Variants in GLIS2 observed in about 807,000 individuals in gnomAD.
GLIS2 encodes GLIS family zinc finger 2.
GLIS2 carries 14 observed loss-of-function variants against 35.6 expected under a neutral mutation model. The ratio of observed to expected loss-of-function variants is 0.39; its 90% CI spans 0.26 to 0.61. The LOEUF (loss-of-function observed/expected upper bound fraction) is 0.61. GLIS2 is among the 20% of genes least tolerant of loss of function. The pLI is 0.48. For synonymous variants in GLIS2, 368 were observed against 325.1 expected, an observed-to-expected ratio of 1.13 and a Z score of -1.42; for missense variants, 675 against 713.4, an observed-to-expected ratio of 0.95 and a Z score of 0.61.
rs779142808 is a variant in GLIS2, at chr16:4,337,072, G to C, written c.1123G>C (p.Ala375Pro). Residue 375 changes from alanine to proline, a missense_variant, in exon 7 of 7, where the codon GCC becomes CCC. Ala to Pro is a conservative substitution (Grantham distance 27). This residue lies in a region of GLIS2 where 317 missense variants were observed against 283.2 expected (regional missense o/e 1.12). Transcript: ENST00000433375. ...PGLPGLPLPL[A>P]PGPLDLSALA... ...CCTGCCCGGCTTACCCCTACCCCTG[G>C]CCCCCGGCCCCCTTGACCTCAGTGC... is the stretch of plus-strand genomic sequence containing the variant. The C allele has an allele frequency of 1.7e-5, 26 of 1,539,592 alleles. No homozygotes were observed. Among genetic ancestry groups the C allele is most frequent in the Non-Finnish European group, 1.1e-5 (13 of 1,147,750 alleles).
intron 1 of GLIS2, among the ~76,000 whole-genome samples, chr16:4,318,133 G>A (rs1010691913): frequency 6.6e-6 from 1 of 152,180 alleles, no homozygotes; most frequent in African/African-American, 2.4e-5. Flanking sequence ...CGCTGCTTTT[G>A]GGGTCAGTGG....
chr16:4,325,929 TAAAA>T (rs58290393), intron 1 of GLIS2, among the ~76,000 whole-genome samples: 916 of 40,066 alleles, frequency 0.023, 5 homozygotes, highest in Non-Finnish European at 0.034. Context: ...CTCTGTGTCT[TAAAA>T]AAAAAAAAAA....
intron 1 of GLIS2, chr16:4,324,713 C>T (rs2053412094): frequency 1.3e-5 from 2 of 152,310 alleles, no homozygotes; most frequent in African/African-American, 2.4e-5. Context: ...CCGTGCTGAA[C>T]GTTACGGACG....
In GLIS2 at chr16:4,320,968, G is replaced by C. The variant is rs1356763058; in HGVS notation, c.-67+4714G>C. Among the ~76,000 whole-genome samples the C allele has an allele frequency of 6.6e-6, 1 of 152,202 alleles. No individual in the cohort carries two copies. The highest frequency in any genetic ancestry group is 1.5e-5 in the Non-Finnish European group (1 of 68,034). On this transcript the variant is annotated intron_variant, in intron 1 of 6. Coordinates refer to ENST00000433375, the MANE Select transcript of GLIS2 (RefSeq NM_032575.3). This position sits in a 1 kb window ranked among gnomAD's most constrained non-coding sequence, Gnocchi z 5.6. Reference sequence around the variant, plus strand: ...ACCAGGCCTGGCAGATCCTGCCAGTGGGTGTTCCCCTTTGGAAGGAAAAGG... The same window carrying C: ...ACCAGGCCTGGCAGATCCTGCCAGTCGGTGTTCCCCTTTGGAAGGAAAAGG...
rs2053309806 is a variant in GLIS2 at position 4,316,251 on chromosome 16, T to C, written c.-70T>C. Among the ~76,000 whole-genome samples, 1 of 121,676 alleles carries C rather than the reference T, an allele frequency of 8.2e-6. No individual in the cohort carries two copies. 79.8% of individuals were successfully genotyped at this position (121,676 alleles called of 152,430 possible). A position where few individuals can be genotyped will look rare whatever the true frequency, so the allele number is the denominator to read the frequency against. ...CCCGGATCCCGACCGCCCCCGCCGC[T>C]GAGGTAGGAAGCCCCCCGGGCGTCG... On this transcript the variant is annotated 5_prime_UTR_variant, in exon 1 of 7. Transcript: ENST00000433375.
At chr16:4,325,779 T>C (rs2053423576) in intron 1 of GLIS2, among the ~76,000 whole-genome samples, 1 of 150,748 alleles carries the variant, frequency 6.6e-6, no homozygotes, top group Admixed American at 6.6e-5. Flanking sequence ...AAATAAAAAA[T>C]TTAAAAATGA....
chr16:4,336,792 T>C lies in GLIS2; in HGVS notation c.843T>C (p.Phe281=), dbSNP rs2053556242. 1.2e-6 allele frequency: 2 copies of C among 1,611,760 alleles called. No individual in the cohort carries two copies. The highest frequency in any genetic ancestry group is 1.7e-5 in the Admixed American group (1 of 59,834). ...GCTATTCCAACTCCAGTGACCGCTT[T>C]AAGCACACGCGCACCCACTATGTGG... The part of the protein sequence containing the change: ...NKRYSNSSDR[F]KHTRTHYVDK... Residue 281 remains phenylalanine, a synonymous_variant, in exon 7 of 7, where the codon TTT becomes TTC. Transcript: ENST00000433375.
At position 4,337,016 on chromosome 16, in the gene GLIS2, C is replaced by A; in HGVS notation, c.1067C>A (p.Pro356His). Reference protein sequence around the residue: ...PYVSGAQIIIPNPAALFGGPG... With the variant: ...PYVSGAQIIIHNPAALFGGPG... ...GTCAGTGGGGCCCAGATCATCATCC[C>A]CAACCCAGCTGCCCTCTTTGGAGGC... Residue 356 changes from proline (P) to histidine (H), a missense_variant, in exon 7 of 7, where the codon CCC (proline) becomes CAC (histidine). By Grantham distance (77) the Pro-to-His change is moderately conservative. Around this residue, in one of 3 missense-constraint regions of GLIS2, gnomAD observed 317 missense variants for 283.2 expected, o/e 1.12. Coordinates refer to ENST00000433375, the MANE Select transcript of GLIS2 (RefSeq NM_032575.3). The A allele has an allele frequency of 6.2e-7, 1 of 1,603,228 alleles. No individual in the cohort carries two copies. The highest frequency in any genetic ancestry group is 2.2e-5 in the East Asian group (1 of 44,552).
intron 1 of GLIS2, among the ~76,000 whole-genome samples, chr16:4,328,856 A>T (rs2053466635): frequency 6.6e-6 from 1 of 151,838 alleles, no homozygotes; most frequent in African/African-American, 2.4e-5. Context: ...TGTCCTGGGA[A>T]GGCAGTGGGG....
intron 1 of GLIS2, among the ~76,000 whole-genome samples, chr16:4,317,686 C>A (rs2053329316): frequency 1.3e-5 from 2 of 151,986 alleles, no homozygotes; most frequent in Non-Finnish European, 2.9e-5. Flanking sequence ...CCTGGGAGGC[C>A]CCTCCCAGGA....
upstream of GLIS2, among the ~76,000 whole-genome samples, chr16:4,315,756 G>A (rs2053302268): frequency 6.9e-6 from 1 of 145,122 alleles, no homozygotes; most frequent in South Asian, 2.3e-4. Context: ...CCCGGTGCCC[G>A]CTCCCCGCGG....
intron 1 of GLIS2, chr16:4,326,619 T>G (rs1320074086): frequency 6.6e-6 from 1 of 152,224 alleles, no homozygotes; most frequent in African/African-American, 2.4e-5. Flanking sequence ...CTTTTTTTGT[T>G]GTTTTTTGAG....
intron 3 of GLIS2, 75 bp downstream of exon 3, chr16:4,333,594 C>G: frequency 6.9e-7 from 1 of 1,454,366 alleles, no homozygotes; most frequent in Non-Finnish European, 9.3e-7. Context: ...TACCCCAACA[C>G]TGAGTGGTTT....
chr16:4,319,835 G>T (rs916071420), intron 1 of GLIS2, among the ~76,000 whole-genome samples: 3 of 152,122 alleles, frequency 2.0e-5, no homozygotes, highest in African/African-American at 7.2e-5. Flanking sequence ...CCTGGGTGAG[G>T]CTGGGCAGGC....
chr16:4,332,094 C>T lies in GLIS2; in HGVS notation c.-66-121C>T, dbSNP rs1280433865. The stretch of plus-strand genomic sequence containing the variant: ...GCCGGCCAGGTCGCTCGGAGGGTCT[C>T]CCTACCCAGGAGACAACCTCACACT... On this transcript the variant is annotated intron_variant, in intron 1 of 6. Coordinates refer to ENST00000433375, the MANE Select transcript of GLIS2 (RefSeq NM_032575.3). The surrounding 1 kb of genome is among the most constrained non-coding windows in gnomAD (Gnocchi z 5.4). 6.5e-6 allele frequency: 5 copies of T among 771,632 alleles called. No individual in the cohort carries two copies. Among genetic ancestry groups the T allele is most frequent in the African/African-American group, 1.7e-5 (1 of 58,408 alleles). The allele number at this position is 771,632 out of a possible 1,614,324, so 47.8% of individuals were successfully genotyped here. A position where few individuals can be genotyped will look rare whatever the true frequency, so the allele number is the denominator to read the frequency against.
chr16:4,326,521 G>A (rs1348880563), intron 1 of GLIS2: 3 of 152,224 alleles, frequency 2.0e-5, no homozygotes, highest in African/African-American at 7.2e-5. Flanking sequence ...TGGTTCTCAG[G>A]GTGGGTGCAC....
intron 1 of GLIS2, among the ~76,000 whole-genome samples, chr16:4,329,617 C>T (rs554492000): frequency 3.3e-5 from 5 of 152,248 alleles, no homozygotes; most frequent in Admixed American, 2.6e-4. Flanking sequence ...AAGGGGAGGA[C>T]GTGGGAGCTG....
Position 4,335,725 on chromosome 16 carries a change from G to A in GLIS2, c.775+332G>A. 1 of 347,586 alleles carries A rather than the reference G, an allele frequency of 2.9e-6. No homozygotes were observed. The allele number at this position is 347,586 out of a possible 1,614,324, so 21.5% of individuals were successfully genotyped here. A position where few individuals can be genotyped will look rare whatever the true frequency, so the allele number is the denominator to read the frequency against. On this transcript the variant is annotated intron_variant, in intron 6 of 6. Coordinates refer to ENST00000433375, the MANE Select transcript of GLIS2 (RefSeq NM_032575.3). This position sits in a 1 kb window ranked among gnomAD's most constrained non-coding sequence, Gnocchi z 4.6. ...CCAGGCCCATACCAGGACAGCTCTG[G>A]TTGTCAGAGCCACAGACATAATTTT...
rs1336508840 is a variant in GLIS2, at chr16:4,336,812, A to G, written c.863A>G (p.Tyr288Cys). 3.1e-6 allele frequency: 5 copies of G among 1,612,074 alleles called. No homozygotes were observed. Among genetic ancestry groups the G allele is most frequent in the Non-Finnish European group, 4.2e-6 (5 of 1,179,348 alleles). ...SDRFKHTRTH[Y>C]VDKPYYCKMP... ...CGCTTTAAGCACACGCGCACCCACT[A>G]TGTGGACAAGCCCTACTACTGCAAG... Residue 288 changes from tyrosine to cysteine, a missense_variant, in exon 7 of 7, where the codon TAT becomes TGT. Tyr to Cys is a radical substitution (Grantham distance 194). Coordinates refer to ENST00000433375, the MANE Select transcript of GLIS2 (RefSeq NM_032575.3).
Sources: gnomAD v4.1 joint callset for allele counts (sites outside exome capture counted in the v4.1 genomes callset) on GRCh38, gnomAD v4.1.1 for gene constraint, gnomAD v4.1.1 regional missense constraint, Gnocchi (gnomAD v3.1) non-coding constraint, MANE v1.5 for transcripts, NCBI Gene and HGNC (gene_info 2026-07-23, HGNC 2026-07-21) for gene names.